TMEM178B: variants seen among roughly 807,000 people sequenced by gnomAD.
The protein encoded by TMEM178B is transmembrane protein 178B.
A neutral mutation model predicts 31.0 loss-of-function variants in TMEM178B; 5 were observed. That is an observed-to-expected ratio of 0.16 (90% confidence interval 0.08 to 0.34). The LOEUF (loss-of-function observed/expected upper bound fraction) is 0.34. Ranked by LOEUF, TMEM178B falls within the 10% of genes least tolerant of loss-of-function variation. The probability of loss-of-function intolerance (pLI) is 1.00; values close to 1 mark genes in which losing one functional copy is unlikely to be tolerated. For synonymous variants in TMEM178B, 164 were observed against 164.0 expected, an observed-to-expected ratio of 1.00 and a Z score of 0.00; for missense variants, 275 against 400.3, an observed-to-expected ratio of 0.69 and a Z score of 2.67.
In TMEM178B at chr7:141,478,781, C is replaced by G. The variant is rs961933391; in HGVS notation, c.*7995C>G. ...CTATTTCCAGTGTTCAATAGCCACA[C>G]CTGACTACTGGTTGCTGTATAGGAC... On this transcript the variant is annotated 3_prime_UTR_variant, in exon 4 of 4. Coordinates refer to ENST00000565468, the MANE Select transcript of TMEM178B (RefSeq NM_001195278.2). 1.3e-5 allele frequency: 2 copies of G among 152,172 alleles called. No individual in the cohort carries two copies. Among genetic ancestry groups the G allele is most frequent in the Admixed American group, 6.5e-5 (1 of 15,270 alleles). 9.4% of individuals were successfully genotyped at this position (152,172 alleles called of 1,614,324 possible). A position where few individuals can be genotyped will look rare whatever the true frequency, so the allele number is the denominator to read the frequency against.
Position 141,074,826 on chromosome 7 carries a change from C to T in TMEM178B, c.382+134C>T, listed in dbSNP as rs1241478116. Reference sequence around the variant, plus strand: ...AGGCGGTCCGGTTATCCAGGCCTGGCTGAGCCTCGGGGCCAGGACTTGCCT... The same window carrying T: ...AGGCGGTCCGGTTATCCAGGCCTGGTTGAGCCTCGGGGCCAGGACTTGCCT... On this transcript the variant is annotated intron_variant, in intron 1 of 3. Transcript: ENST00000565468. The surrounding 1 kb of genome is among the most constrained non-coding windows in gnomAD (Gnocchi z 5.1). The T allele has an allele frequency of 1.6e-5, 21 of 1,278,656 alleles. No individual in the cohort carries two copies. The Admixed American group carries it at 6.1e-4, about 37-fold the overall frequency. The allele number at this position is 1,278,656 out of a possible 1,614,324, so 79.2% of individuals were successfully genotyped here. A position where few individuals can be genotyped will look rare whatever the true frequency, so the allele number is the denominator to read the frequency against.
In TMEM178B at chr7:141,390,306, C is replaced by T. The variant is rs138251053; in HGVS notation, c.497-47302C>T. Among the ~76,000 whole-genome samples, 865 of 152,276 alleles carry T rather than the reference C, an allele frequency of 5.7e-3. 7 individuals carry two copies. The highest frequency in any genetic ancestry group is 0.02 in the African/African-American group (830 of 41,536). ...CTCTGTGTTACTCTTTTATCACAGG[C>T]ACTGGGGGCTCTAAGCCCCAGGCCT... On this transcript the variant is annotated intron_variant, in intron 2 of 3. Coordinates refer to ENST00000565468, the MANE Select transcript of TMEM178B (RefSeq NM_001195278.2).
chr7:141,119,844 G>A (rs529840734), intron 1 of TMEM178B, among the ~76,000 whole-genome samples: 5 of 152,250 alleles, frequency 3.3e-5, no homozygotes, highest in Non-Finnish European at 5.9e-5. Flanking sequence ...AGGGCATTGC[G>A]GGCTCTCTTT....
intron 2 of TMEM178B, among the ~76,000 whole-genome samples, chr7:141,310,228 A>G (rs1798884538): frequency 2.6e-5 from 4 of 152,150 alleles, no homozygotes; most frequent in Admixed American, 2.0e-4. Context: ...AGAAACTTAA[A>G]TTTACAAGAA....
intron 2 of TMEM178B, among the ~76,000 whole-genome samples, chr7:141,315,400 G>A (rs1168396015): frequency 6.6e-6 from 1 of 152,194 alleles, no homozygotes; most frequent in Non-Finnish European, 1.5e-5. Flanking sequence ...GTGACACTGT[G>A]TCCCTGGAAC....
chr7:141,117,979 G>T (rs1327935910), intron 1 of TMEM178B, among the ~76,000 whole-genome samples: 1 of 151,972 alleles, frequency 6.6e-6, no homozygotes, highest in Non-Finnish European at 1.5e-5. Context: ...GGGGGTTAAG[G>T]GACCATTCTA....
intron 1 of TMEM178B, among the ~76,000 whole-genome samples, chr7:141,183,568 T>C (rs755790868): frequency 1.9e-4 from 29 of 152,228 alleles, no homozygotes; most frequent in Non-Finnish European, 4.0e-4. Context: ...AGTCACCACA[T>C]AGTTCTTTAT....
intron 2 of TMEM178B, among the ~76,000 whole-genome samples, chr7:141,407,687 G>T (rs927718240): frequency 6.6e-6 from 1 of 152,160 alleles, no homozygotes. Flanking sequence ...TGACTTTCCT[G>T]TGTCACACAC....
Position 141,076,656 on chromosome 7 carries a change from CAG to C in TMEM178B, c.382+1965_382+1966del, listed in dbSNP as rs1288117799. Reference sequence around the variant, plus strand: ...CTTCCGGTGAAGCTGGAAACAGAGACAGGGAAAGGGATAGGGGAAGAATGTAC... The same window carrying C: ...CTTCCGGTGAAGCTGGAAACAGAGACGGAAAGGGATAGGGGAAGAATGTAC... On this transcript the variant is annotated intron_variant, in intron 1 of 3. Transcript: ENST00000565468. 1.2e-4 allele frequency among the ~76,000 whole-genome samples: 19 copies of C among 152,204 alleles called. No homozygotes were observed. The South Asian group carries it at 3.5e-3, about 28-fold the overall frequency.
chr7:141,242,471 TGTGTGA>T (rs1797638965), intron 2 of TMEM178B, among the ~76,000 whole-genome samples: 2 of 94,746 alleles, frequency 2.1e-5, no homozygotes, highest in Admixed American at 2.3e-4. Context: ...TTTCACACTT[TGTGTGA>T]GTGTGTGTGT....
intron 1 of TMEM178B, among the ~76,000 whole-genome samples, chr7:141,160,922 A>G (rs1796159301): frequency 6.6e-6 from 1 of 152,102 alleles, no homozygotes. Context: ...CAATAGTGCG[A>G]TCTTGGCTCA....
intron 1 of TMEM178B, among the ~76,000 whole-genome samples, chr7:141,164,848 T>C (rs115043135): frequency 2.0e-5 from 3 of 152,266 alleles, no homozygotes; most frequent in African/African-American, 7.2e-5. Context: ...AGGACATGAC[T>C]TCTATCCTCA....
intron 2 of TMEM178B, among the ~76,000 whole-genome samples, chr7:141,413,132 C>T (rs1006833970): frequency 3.3e-5 from 5 of 152,336 alleles, no homozygotes; most frequent in East Asian, 1.9e-4. Context: ...ATGCGCCACT[C>T]ACAGTGCCAT....
chr7:141,400,238 T>C (rs932728552), intron 2 of TMEM178B, among the ~76,000 whole-genome samples: 27 of 152,202 alleles, frequency 1.8e-4, no homozygotes, highest in African/African-American at 6.3e-4. Flanking sequence ...CTGCATCTAT[T>C]CAACAGGTGA....
At chr7:141,264,130 T>C (rs1167737401) in intron 2 of TMEM178B, among the ~76,000 whole-genome samples, 1 of 152,186 alleles carries the variant, frequency 6.6e-6, no homozygotes, top group Non-Finnish European at 1.5e-5. Context: ...GTAGGGTTCA[T>C]TCCAGTCTCC....
Position 141,243,453 on chromosome 7 carries a change from A to C in TMEM178B, c.496+30749A>C, listed in dbSNP as rs146251687. Among the ~76,000 whole-genome samples the C allele has an allele frequency of 2.8e-3, 422 of 152,200 alleles. 1 individual carries two copies. Among genetic ancestry groups the C allele is most frequent in the African/African-American group, 0.01 (416 of 41,528 alleles). ...GTAGGAAGAAGCCTCTTAACCAAGG[A>C]TGTGAGATGCTGATGAAGCTGAGGG... On this transcript the variant is annotated intron_variant, in intron 2 of 3. Transcript: ENST00000565468.
chr7:141,357,487 A>T (rs987878064), intron 2 of TMEM178B, among the ~76,000 whole-genome samples: 2 of 152,210 alleles, frequency 1.3e-5, no homozygotes, highest in African/African-American at 4.8e-5. Flanking sequence ...TAGCAGGAGC[A>T]CTAGCCTGGG....
chr7:141,510,552 G>A, the TMEM178B span, among the ~76,000 whole-genome samples: 1 of 151,444 alleles, frequency 6.6e-6, no homozygotes, highest in South Asian at 2.1e-4. Context: ...AAGTGTGGTG[G>A]TGCATGCCTG....
intron 3 of TMEM178B, among the ~76,000 whole-genome samples, chr7:141,467,562 C>G (rs909812169): frequency 1.3e-5 from 2 of 152,158 alleles, no homozygotes; most frequent in Non-Finnish European, 2.9e-5. Context: ...CCACGGCAAC[C>G]TCCTAACTGG....
Sources: allele counts gnomAD v4.1 joint callset (sites outside exome capture counted in the v4.1 genomes callset), GRCh38; gene constraint gnomAD v4.1.1; non-coding constraint Gnocchi (gnomAD v3.1); transcripts MANE v1.5; gene names NCBI Gene and HGNC (gene_info 2026-07-23, HGNC 2026-07-21).